NAT1: variants seen among roughly 807,000 people sequenced by gnomAD.
NAT1 encodes N-acetyltransferase 1.
For synonymous variants in NAT1, 144 were observed against 122.6 expected (o/e 1.17, Z -1.16); for missense variants, 400 against 339.2 (o/e 1.18, Z -1.41).
At chr8:18,218,993 ATAGCTG>A (rs139373328) in intron 1 of NAT1, among the ~76,000 whole-genome samples, 2,452 of 152,280 alleles carry the variant, frequency 0.016, 26 homozygotes, top group Non-Finnish European at 0.025. Context: ...ATGCCGAATT[ATAGCTG>A]TACCTAGAGG....
intron 1 of NAT1, among the ~76,000 whole-genome samples, chr8:18,214,847 A>G (rs568755600): frequency 2.0e-5 from 3 of 152,022 alleles, no homozygotes; most frequent in Admixed American, 6.5e-5. Flanking sequence ...CCACCCTCCA[A>G]CCTGTGAAAG....
chr8:18,207,064 G>T (rs1049998309), upstream of NAT1, among the ~76,000 whole-genome samples: 10 of 152,072 alleles, frequency 6.6e-5, no homozygotes, highest in African/African-American at 1.9e-4. Context: ...CTTAAGGAAG[G>T]GGTCTAGTTT....
At chr8:18,193,058 T>C (rs1589074188) in intron 2 of NAT1, among the ~76,000 whole-genome samples, 1 of 145,296 alleles carries the variant, frequency 6.9e-6, no homozygotes, top group African/African-American at 2.5e-5. Flanking sequence ...TAAGATCTAA[T>C]GAATTAGAAT....
At chr8:18,216,834 G>T (rs1374078574) in intron 1 of NAT1, 54 of 1,237,608 alleles carry the variant, frequency 4.4e-5, no homozygotes, top group East Asian at 2.6e-5. Context: ...CACAAAAATG[G>T]TAAGGGGGAA....
chr8:18,209,452 A>G (rs1803883582), upstream of NAT1, among the ~76,000 whole-genome samples: 1 of 152,276 alleles, frequency 6.6e-6, no homozygotes, highest in Non-Finnish European at 1.5e-5. Context: ...GTAAACATGT[A>G]TATTGGGTCA....
intron 2 of NAT1, among the ~76,000 whole-genome samples, chr8:18,196,799 A>G (rs1803252808): frequency 6.6e-6 from 1 of 152,240 alleles, no homozygotes; most frequent in Non-Finnish European, 1.5e-5. Flanking sequence ...TTATTAAAGG[A>G]TATTTTAGAA....
At chr8:18,179,319 G>A (rs1241805536) in intron 2 of NAT1, among the ~76,000 whole-genome samples, 2 of 152,150 alleles carry the variant, frequency 1.3e-5, no homozygotes, top group Non-Finnish European at 2.9e-5. Flanking sequence ...AAGGTAGATA[G>A]GGAAGAGAGA....
chr8:18,176,194 AG>A (rs1277672769), intron 2 of NAT1, among the ~76,000 whole-genome samples: 1 of 152,102 alleles, frequency 6.6e-6, no homozygotes, highest in East Asian at 1.9e-4. Context: ...TTTGCCGTGC[AG>A]AAGTTTCTGA....
At chr8:18,184,553 G>C (rs549481812) in intron 2 of NAT1, among the ~76,000 whole-genome samples, 3 of 152,320 alleles carry the variant, frequency 2.0e-5, no homozygotes, top group Middle Eastern at 3.4e-3. Context: ...TAGCAAGGTT[G>C]TTGAATATGA....
chr8:18,205,013 T>TGACA (rs1803646444), intron 2 of NAT1, among the ~76,000 whole-genome samples: 1 of 152,200 alleles, frequency 6.6e-6, no homozygotes, highest in South Asian at 2.1e-4. Flanking sequence ...GATCCCTGAC[T>TGACA]TTGTCCTCTG....
At chr8:18,191,572 C>T (rs369659019) in intron 2 of NAT1, among the ~76,000 whole-genome samples, 41 of 151,976 alleles carry the variant, frequency 2.7e-4, no homozygotes, top group East Asian at 1.4e-3. Context: ...GGAGGCATCA[C>T]GCTACCTGAC....
At chr8:18,190,211 A>T (rs1802924848) in intron 2 of NAT1, among the ~76,000 whole-genome samples, 1 of 152,224 alleles carries the variant, frequency 6.6e-6, no homozygotes, top group Admixed American at 6.5e-5. Context: ...TGCTAGAGGT[A>T]ACTTGCCCAC....
At chr8:18,208,969 G>C (rs373512599), upstream of NAT1, among the ~76,000 whole-genome samples, 18 of 152,188 alleles carry the variant, frequency 1.2e-4, no homozygotes, top group South Asian at 3.7e-3. Context: ...CAGTGCAGGA[G>C]TTGTCGCGGG....
upstream of NAT1, among the ~76,000 whole-genome samples, chr8:18,206,706 G>A (rs527590083): frequency 3.3e-5 from 5 of 152,158 alleles, no homozygotes; most frequent in South Asian, 2.1e-4. Flanking sequence ...CCTTATAGAC[G>A]CTGGATATTA....
At chr8:18,183,919 C>T (rs963077116) in intron 2 of NAT1, among the ~76,000 whole-genome samples, 1 of 152,218 alleles carries the variant, frequency 6.6e-6, no homozygotes, top group South Asian at 2.1e-4. Context: ...GACAACCCTG[C>T]CCCTATGACT....
At chr8:18,187,761 A>G (rs9969420) in intron 2 of NAT1, among the ~76,000 whole-genome samples, 57,713 of 151,636 alleles carry the variant, frequency 0.38, 14,560 homozygotes, top group African/African-American at 0.72. Context: ...GGTACTATGC[A>G]TATTACCCGG....
rs188913345 is a variant in NAT1 at position 18,214,353 on chromosome 8, C to G, written c.-86+4173C>G. ...CAAGCTCTTTTATGTTTGATATTAC[C>G]TTTATATTCATGTTGCCTTTATGAT... On this transcript the variant is annotated intron_variant, in intron 1 of 2. Coordinates refer to ENST00000307719, the MANE Select transcript of NAT1 (RefSeq NM_000662.8). Among the ~76,000 whole-genome samples the G allele has an allele frequency of 2.6e-5, 4 of 152,264 alleles. No individual in the cohort carries two copies. The East Asian group carries it at 7.7e-4, about 29-fold the overall frequency.
chr8:18,196,949 A>G (rs565257359), intron 2 of NAT1, among the ~76,000 whole-genome samples: 3 of 152,300 alleles, frequency 2.0e-5, no homozygotes, highest in Admixed American at 2.0e-4. Context: ...AGAGTGGGAA[A>G]TTATGAAGGA....
chr8:18,214,986 G>A (rs894724752), intron 1 of NAT1, among the ~76,000 whole-genome samples: 5 of 152,116 alleles, frequency 3.3e-5, no homozygotes, highest in Non-Finnish European at 5.9e-5. Context: ...ATAGCTTCCC[G>A]CTCCATCCAT....
Sources: gnomAD v4.1 joint callset for allele counts (sites outside exome capture counted in the v4.1 genomes callset) on GRCh38, gnomAD v4.1.1 for gene constraint, MANE v1.5 for transcripts, NCBI Gene and HGNC (gene_info 2026-07-23, HGNC 2026-07-21) for gene names.